UNC13A: variants seen among roughly 807,000 people sequenced by gnomAD.
UNC13A encodes the protein unc-13 homolog A.
Under a neutral mutation model 219.7 loss-of-function variants are expected in UNC13A, and 61 were observed. That is an observed-to-expected ratio of 0.28 (90% CI 0.23 to 0.34). The LOEUF is 0.34. Ranked by LOEUF, UNC13A falls within the 10% of genes least tolerant of loss-of-function variation. UNC13A has a pLI of 1.00. For synonymous variants in UNC13A, 920 were observed against 884.6 expected, an observed-to-expected ratio of 1.04 and a Z score of -0.71; for missense variants, 1,476 against 2,270.3, an observed-to-expected ratio of 0.65 and a Z score of 7.11.
chr19:17,612,275 C>T (rs2144928063), intron 41 of UNC13A: 1 of 156,856 alleles, frequency 6.4e-6, no homozygotes, highest in Admixed American at 6.5e-5. Flanking sequence ...CCTCCAACCC[C>T]CTTTTGTCAT....
At position 17,672,425 on chromosome 19, in the gene UNC13A, C is replaced by T. The variant is rs758506189; in HGVS notation, c.223G>A (p.Val75Met). 3 of 1,613,938 alleles carry T rather than the reference C, an allele frequency of 1.9e-6. No individual in the cohort carries two copies. Among genetic ancestry groups the T allele is most frequent in the East Asian group, 2.2e-5 (1 of 44,884 alleles). Residue 75 changes from valine (V) to methionine (M), a missense_variant, in exon 4 of 44, where the codon GTG becomes ATG. This residue lies in a region of UNC13A where 203 missense variants were observed against 301.6 expected (regional missense o/e 0.67). Transcript: ENST00000519716. The part of the protein sequence containing the change: ...WNKGLIWDTM[V>M]GTVWIPLRTI... ...CTCAGTGGGATCCACACAGTGCCCA[C>T]CATTGTGTCCCAGATGAGACCCTTA...
At chr19:17,621,232 C>A (rs946229979) in intron 37 of UNC13A, among the ~76,000 whole-genome samples, 75 of 152,094 alleles carry the variant, frequency 4.9e-4, no homozygotes, top group African/African-American at 1.7e-3. Context: ...CCTTCTTGAC[C>A]CCACACGGAT....
intron 23 of UNC13A, 28 bp downstream of exon 23, chr19:17,639,812 A>G (rs768513620): frequency 6.2e-7 from 1 of 1,612,650 alleles, no homozygotes; most frequent in Non-Finnish European, 8.5e-7. Context: ...GCGTGGGGTG[A>G]GCAAATTCTC....
intron 40 of UNC13A, 87 bp from the exon 41 acceptor site, chr19:17,617,936 A>G: frequency 6.6e-7 from 1 of 1,522,436 alleles, no homozygotes; most frequent in Non-Finnish European, 8.9e-7. Flanking sequence ...CCCCACTCCC[A>G]ATTCTTCCCG....
intron 1 of UNC13A, among the ~76,000 whole-genome samples, chr19:17,687,491 A>G (rs1262038320): frequency 2.0e-5 from 3 of 151,572 alleles, no homozygotes; most frequent in Non-Finnish European, 4.4e-5. Context: ...CATTCCTCCA[A>G]CCCCCTCACT....
chr19:17,637,344 C>A (rs1394715942), intron 25 of UNC13A, among the ~76,000 whole-genome samples: 1 of 151,306 alleles, frequency 6.6e-6, no homozygotes, highest in Non-Finnish European at 1.5e-5. Context: ...GTCACCCAGG[C>A]CGGAGTGCAG....
chr19:17,666,224 T>C (rs987946275), intron 7 of UNC13A, among the ~76,000 whole-genome samples: 10 of 151,886 alleles, frequency 6.6e-5, no homozygotes, highest in South Asian at 4.2e-4. Context: ...TCCTTCCTTC[T>C]TTTTTTGAGT....
chr19:17,682,464 A>G, intron 1 of UNC13A, among the ~76,000 whole-genome samples: 1 of 152,202 alleles, frequency 6.6e-6, no homozygotes, highest in Admixed American at 6.5e-5. Flanking sequence ...ATTCACACTC[A>G]GGCCTGCTGG....
Position 17,674,531 on chromosome 19 carries a change from A to G in UNC13A, c.152+126T>C. 1 of 739,112 alleles carries G rather than the reference A, an allele frequency of 1.4e-6. No individual in the cohort carries two copies. Among genetic ancestry groups the G allele is most frequent in the African/African-American group, 1.7e-5 (1 of 58,038 alleles). The allele number at this position is 739,112 out of a possible 1,614,324, so 45.8% of individuals were successfully genotyped here. A position where few individuals can be genotyped will look rare whatever the true frequency, so the allele number is the denominator to read the frequency against. ...TTTGGAGGTGAAGGTGATAAGGTGGACAGGGGAAGAGGGAGGACAGAGGGG... is the reference window on the plus strand; with the variant it reads ...TTTGGAGGTGAAGGTGATAAGGTGGGCAGGGGAAGAGGGAGGACAGAGGGG... On this transcript the variant is annotated intron_variant, in intron 3 of 43. Coordinates refer to ENST00000519716, the MANE Select transcript of UNC13A (RefSeq NM_001080421.3). The surrounding 1 kb of genome is among the most constrained non-coding windows in gnomAD (Gnocchi z 5.0).
rs888713212 is a variant in UNC13A, at chr19:17,679,378, C to T, written c.23-3337G>A. On this transcript the variant is annotated intron_variant, in intron 1 of 43. Transcript: ENST00000519716. ...TCACGCCATTGCACTCCAGCCTGGG[C>T]GACAGAGCAAGACTCTGTCTCAAAA... Among the ~76,000 whole-genome samples the T allele has an allele frequency of 8.6e-5, 13 of 151,414 alleles. No individual in the cohort carries two copies. The South Asian group carries it at 2.5e-3, about 29-fold the overall frequency.
At chr19:17,611,467 C>T (rs1042650514) in intron 42 of UNC13A, among the ~76,000 whole-genome samples, 22 of 152,188 alleles carry the variant, frequency 1.4e-4, no homozygotes, top group Non-Finnish European at 1.8e-4. Flanking sequence ...CATGAGCCAC[C>T]GTGCCTGGCC....
chr19:17,615,039 G>T (rs2076647827), intron 41 of UNC13A, among the ~76,000 whole-genome samples: 3 of 152,126 alleles, frequency 2.0e-5, no homozygotes. Context: ...GCCTCTCAGT[G>T]CTTCTTCCAA....
rs751696870 is a variant in UNC13A, at chr19:17,674,699, G to A, written c.110C>T (p.Ala37Val). 16 of 1,613,894 alleles carry A rather than the reference G, an allele frequency of 9.9e-6. No individual in the cohort carries two copies. The highest frequency in any genetic ancestry group is 3.3e-5 in the Admixed American group (2 of 60,016). ...CCAGCTGGGCTGGCTGCCCCGCACC[G>A]CGATGGTCGTGCTCTTGACATTCTG... is the stretch of plus-strand genomic sequence containing the variant. Reference protein sequence around the residue: ...KVQNVKSTTIAVRGSQPSWEQ... With the variant: ...KVQNVKSTTIVVRGSQPSWEQ... The change falls in exon 3 of 44, where the codon GCG (alanine) becomes GTG (valine). Residue 37 changes from alanine (A) to valine (V), a missense_variant. Transcript: ENST00000519716. This position sits in a 1 kb window ranked among gnomAD's most constrained non-coding sequence, Gnocchi z 5.0.
chr19:17,636,193 T>G (rs1450487211), intron 25 of UNC13A, 36 bp from the exon 26 acceptor site: 1 of 1,551,026 alleles, frequency 6.4e-7, no homozygotes, highest in Admixed American at 2.0e-5. Context: ...TTATAGGGGG[T>G]CCAGAGGTTG....
chr19:17,634,619 C>T (rs889149938), intron 26 of UNC13A, among the ~76,000 whole-genome samples: 10 of 151,944 alleles, frequency 6.6e-5, no homozygotes, highest in East Asian at 5.8e-4. Context: ...GGATTACAAG[C>T]GTGAGCTGCC....
chr19:17,639,113 T>C lies in UNC13A; in HGVS notation c.3051A>G (p.Glu1017=). The C allele has an allele frequency of 6.2e-7, 1 of 1,611,086 alleles. No individual in the cohort carries two copies. The highest frequency in any genetic ancestry group is 8.5e-7 in the Non-Finnish European group (1 of 1,178,730). The part of the protein sequence containing the change: ...TYEYIFNNCH[E]LYSREYQTDP... ...CTGTCTGGTACTCCCGGCTGTACAG[T>C]TCATGGCAGTTATTGAAGATGTACT... The change falls in exon 25 of 44, where the codon GAA becomes GAG. Residue 1017 remains glutamate, a synonymous_variant. Transcript: ENST00000519716.
chr19:17,630,175 G>A lies in UNC13A; in HGVS notation c.3639C>T (p.Ile1213=), dbSNP rs909419668. 6 of 1,552,128 alleles carry A rather than the reference G, an allele frequency of 3.9e-6. No individual in the cohort carries two copies. The highest frequency in any genetic ancestry group is 5.2e-6 in the Non-Finnish European group (6 of 1,147,124). ...IKKLECPDPQ[I]VGHYMRRFAK... is the part of the protein sequence containing the mutation. ...CAAAGCGCCTCATGTAGTGCCCCAC[G>A]ATCTGAGGGTCGGGACACTCGAGTT... Residue 1213 remains isoleucine, a synonymous_variant, in exon 30 of 44, where the codon ATC becomes ATT. Coordinates refer to ENST00000519716, the MANE Select transcript of UNC13A (RefSeq NM_001080421.3).
In UNC13A at chr19:17,646,113, T is replaced by G; in HGVS notation, c.2045-2A>C. 1 of 1,613,600 alleles carries G rather than the reference T, an allele frequency of 6.2e-7. No individual in the cohort carries two copies. The highest frequency in any genetic ancestry group is 8.5e-7 in the Non-Finnish European group (1 of 1,179,900). On this transcript the variant is annotated splice_acceptor_variant, in intron 17 of 43. Coordinates refer to ENST00000519716, the MANE Select transcript of UNC13A (RefSeq NM_001080421.3). LOFTEE classifies it high-confidence loss of function. ...CCTGCAAGCCCTGGGCGCAGACCAC[T>G]GGAAGACACAGAGGGCATACACAGG...
At chr19:17,662,224 C>A (rs2079563079) in intron 8 of UNC13A, among the ~76,000 whole-genome samples, 1 of 149,980 alleles carries the variant, frequency 6.7e-6, no homozygotes, top group Admixed American at 6.7e-5. Context: ...CCAGCCTGGG[C>A]AACAGAGCAA....
Sources: gnomAD v4.1 joint callset for allele counts (sites outside exome capture counted in the v4.1 genomes callset) on GRCh38, gnomAD v4.1.1 for gene constraint, gnomAD v4.1.1 regional missense constraint, Gnocchi (gnomAD v3.1) non-coding constraint, MANE v1.5 for transcripts, NCBI Gene and HGNC (gene_info 2026-07-23, HGNC 2026-07-21) for gene names.